MSH4: variants seen among roughly 807,000 people sequenced by gnomAD.
The protein encoded by MSH4 is mutS homolog 4.
MSH4 carries 106 observed loss-of-function variants against 113.7 expected under a neutral mutation model. That is an observed-to-expected ratio of 0.93 (90% CI 0.80 to 1.10). MSH4 has a LOEUF of 1.10. Among genes scored for constraint, MSH4 ranks in the 50% least tolerant of loss-of-function variants. The probability of loss-of-function intolerance (pLI) is 0.00; values close to 1 mark genes in which losing one functional copy is unlikely to be tolerated. For synonymous variants in MSH4, 368 were observed against 380.2 expected, an observed-to-expected ratio of 0.97 and a Z score of 0.37; for missense variants, 1,061 against 1,093.7, an observed-to-expected ratio of 0.97 and a Z score of 0.42.
At chr1:75,911,167 G>A (rs975437372) in intron 19 of MSH4, among the ~76,000 whole-genome samples, 17 of 150,186 alleles carry the variant, frequency 1.1e-4, no homozygotes, top group East Asian at 5.8e-4. Flanking sequence ...CAGTTTTTAC[G>A]TGATTGTAAA....
chr1:75,812,338 C>G (rs1480008770), intron 4 of MSH4, among the ~76,000 whole-genome samples: 2 of 151,994 alleles, frequency 1.3e-5, no homozygotes, highest in African/African-American at 4.8e-5. Context: ...TAATGGGAGA[C>G]TAAGGGAATA....
intron 3 of MSH4, among the ~76,000 whole-genome samples, chr1:75,810,115 A>T (rs1650155442): frequency 6.6e-6 from 1 of 152,140 alleles, no homozygotes; most frequent in Non-Finnish European, 1.5e-5. Context: ...TGAGTAAAAT[A>T]TAGCCTATTT....
chr1:75,882,051 G>A (rs1651945701), intron 14 of MSH4, among the ~76,000 whole-genome samples: 1 of 151,952 alleles, frequency 6.6e-6, no homozygotes, highest in East Asian at 1.9e-4. Flanking sequence ...TTTCTAAAAT[G>A]TTATGTTAAT....
chr1:75,872,486 T>C (rs1651735529), intron 9 of MSH4, among the ~76,000 whole-genome samples: 1 of 152,234 alleles, frequency 6.6e-6, no homozygotes, highest in African/African-American at 2.4e-5. Flanking sequence ...TAAAGAAGCC[T>C]GTGCTGTTAG....
In MSH4 at chr1:75,899,748, A is replaced by G. The variant is rs772697907; in HGVS notation, c.2619+42A>G. Reference sequence around the variant, plus strand: ...TTATTTGTTCTTCAAATTAAAAAAAATACTTTTAGTGTAGATTTTTATTAT... The same window carrying G: ...TTATTTGTTCTTCAAATTAAAAAAAGTACTTTTAGTGTAGATTTTTATTAT... On this transcript the variant is annotated intron_variant, in intron 19 of 19. Coordinates refer to ENST00000263187, the MANE Select transcript of MSH4 (RefSeq NM_002440.4). The G allele has an allele frequency of 6.2e-6, 7 of 1,134,082 alleles. No individual in the cohort carries two copies. In the South Asian group the frequency reaches 9.5e-5, roughly 15 times the overall value. The allele number at this position is 1,134,082 out of a possible 1,614,324, so 70.3% of individuals were successfully genotyped here.
chr1:75,907,660 A>ATCTCTCTCTCTC (rs138292747), intron 19 of MSH4, among the ~76,000 whole-genome samples: 32 of 92,814 alleles, frequency 3.4e-4, no homozygotes, highest in African/African-American at 6.8e-4. Flanking sequence ...TCCACGGTGT[A>ATCTCTCTCTCTC]TCTCTCTCTC....
chr1:75,899,546 T>C (rs1220801111), intron 18 of MSH4, 72 bp from the exon 19 acceptor site: 12 of 769,956 alleles, frequency 1.6e-5, no homozygotes, highest in Non-Finnish European at 2.0e-5. Context: ...AAAAGATTAA[T>C]ACTAGTTAAA....
At chr1:75,879,799 G>A (rs556766424) in intron 12 of MSH4, among the ~76,000 whole-genome samples, 12 of 152,216 alleles carry the variant, frequency 7.9e-5, no homozygotes, top group African/African-American at 2.6e-4. Context: ...TATCAGAGTA[G>A]TCATCCCAGA....
chr1:75,805,475 C>G (rs2100504405), intron 2 of MSH4, among the ~76,000 whole-genome samples: 1 of 150,060 alleles, frequency 6.7e-6, no homozygotes, highest in Admixed American at 6.7e-5. Context: ...GCAACATCCA[C>G]TTCCTGGGTT....
Position 75,896,060 on chromosome 1 carries a change from G to A in MSH4, c.2356-1847G>A, listed in dbSNP as rs142989909. Among the ~76,000 whole-genome samples the A allele has an allele frequency of 3.2e-3, 493 of 152,024 alleles. 8 individuals are homozygous for A. Among genetic ancestry groups the A allele is most frequent in the African/African-American group, 0.012 (479 of 41,478 alleles). Reference sequence around the variant, plus strand: ...CATATTGCCTTCCCTAGGGTGGATGGGTCCCATCCAATAAATTGAAAGCCT... The same window carrying A: ...CATATTGCCTTCCCTAGGGTGGATGAGTCCCATCCAATAAATTGAAAGCCT... On this transcript the variant is annotated intron_variant, in intron 17 of 19. Transcript: ENST00000263187.
chr1:75,874,283 A>T (rs976943943), intron 9 of MSH4, among the ~76,000 whole-genome samples: 1 of 152,122 alleles, frequency 6.6e-6, no homozygotes, highest in South Asian at 2.1e-4. Context: ...TAAATTTAAA[A>T]ACACTTTCTT....
At chr1:75,908,065 A>G (rs1571004278) in intron 19 of MSH4, among the ~76,000 whole-genome samples, 1 of 149,224 alleles carries the variant, frequency 6.7e-6, no homozygotes, top group East Asian at 2.0e-4. Context: ...GAGCCTCTGT[A>G]GTTTTTTTAA....
chr1:75,903,836 T>C (rs987727699), intron 19 of MSH4, among the ~76,000 whole-genome samples: 4 of 152,168 alleles, frequency 2.6e-5, no homozygotes, highest in Non-Finnish European at 5.9e-5. Context: ...CTTCTTCCTT[T>C]CCAGTTTGGA....
At chr1:75,866,130 ATCT>A (rs1651557920) in intron 8 of MSH4, among the ~76,000 whole-genome samples, 2 of 151,952 alleles carry the variant, frequency 1.3e-5, no homozygotes, top group Admixed American at 6.6e-5. Flanking sequence ...TAGTCTTTCC[ATCT>A]TCTTCTTCTT....
At chr1:75,857,790 C>T (rs1651353157) in intron 8 of MSH4, among the ~76,000 whole-genome samples, 1 of 152,060 alleles carries the variant, frequency 6.6e-6, no homozygotes, top group South Asian at 2.1e-4. Context: ...ATAATTTTTC[C>T]AATTCTGTGA....
chr1:75,808,991 G>A (rs1448002685), intron 3 of MSH4, among the ~76,000 whole-genome samples: 2 of 152,102 alleles, frequency 1.3e-5, no homozygotes, highest in South Asian at 2.1e-4. Flanking sequence ...TAGCATGATC[G>A]TGACTCACTG....
intron 17 of MSH4, 71 bp downstream of exon 17, chr1:75,890,895 A>G: frequency 3.2e-6 from 4 of 1,262,200 alleles, no homozygotes; most frequent in Non-Finnish European, 4.4e-6. Context: ...ATTGAATTTT[A>G]TGGACACCCA....
chr1:75,817,868 A>C (rs1440863614), intron 6 of MSH4, among the ~76,000 whole-genome samples: 1 of 152,044 alleles, frequency 6.6e-6, no homozygotes, highest in Non-Finnish European at 1.5e-5. Context: ...AGTTCCCTAC[A>C]AATTAGTTTA....
At chr1:75,887,813 T>G (rs56159153) in intron 15 of MSH4, among the ~76,000 whole-genome samples, 43,548 of 151,748 alleles carry the variant, frequency 0.29, 6,541 homozygotes, top group Middle Eastern at 0.37. Context: ...TATGTTTTTG[T>G]TTTTGTTTTT....
Sources: gnomAD v4.1 joint callset for allele counts (sites outside exome capture counted in the v4.1 genomes callset) on GRCh38, gnomAD v4.1.1 for gene constraint, MANE v1.5 for transcripts, NCBI Gene and HGNC (gene_info 2026-07-23, HGNC 2026-07-21) for gene names.